Variants in FBXO34 observed in about 807,000 individuals in gnomAD.
FBXO34 encodes the protein F-box only protein 34.
FBXO34 carries 12 observed loss-of-function variants against 24.5 expected under a neutral mutation model. The ratio of observed to expected loss-of-function variants is 0.49; its 90% CI spans 0.31 to 0.79. The LOEUF (loss-of-function observed/expected upper bound fraction) is 0.79, where lower values mean the gene tolerates loss of function less well. FBXO34 is among the 30% of genes least tolerant of loss of function. The pLI, the probability that FBXO34 is intolerant of heterozygous loss-of-function variation, is 0.04. For missense variants in FBXO34, 823 were observed against 857.7 expected (o/e 0.96, Z 0.51); for synonymous variants, 320 against 311.9 (o/e 1.03, Z -0.27).
In FBXO34 at chr14:55,322,354, A is replaced by C. The variant is rs182113370; in HGVS notation, c.-10-28027A>C. 2.6e-4 allele frequency among the ~76,000 whole-genome samples: 40 copies of C among 152,180 alleles called. 1 individual carries two copies. The highest frequency in any genetic ancestry group is 8.3e-4 in the South Asian group (4 of 4,822). On this transcript the variant is annotated intron_variant, in intron 1 of 1. Transcript: ENST00000313833. ...TACAAACAAGCAACAACAACAACAA[A>C]AAAAGACATCTTTCTGTGTATTTGC...
the FBXO34 span, chr14:55,436,491 G>C: frequency 2.3e-6 from 3 of 1,302,166 alleles, no homozygotes; most frequent in African/African-American, 4.4e-5. Flanking sequence ...CCTGAAATTA[G>C]TTGTCATCGC....
downstream of FBXO34, chr14:55,366,759 T>C (rs1884688128): frequency 6.5e-6 from 1 of 152,798 alleles, no homozygotes; most frequent in South Asian, 2.1e-4. Flanking sequence ...ATGGAAAACA[T>C]GACCAAGTTC....
the FBXO34 span, among the ~76,000 whole-genome samples, chr14:55,421,601 T>A: frequency 6.6e-6 from 1 of 152,046 alleles, no homozygotes; most frequent in Non-Finnish European, 1.5e-5. Flanking sequence ...GTAGCTGGGG[T>A]CACAGGTGCC....
the FBXO34 span, chr14:55,378,123 C>A: frequency 6.6e-7 from 1 of 1,518,522 alleles, no homozygotes; most frequent in Non-Finnish European, 9.1e-7. Context: ...TGAGGAAATT[C>A]TATGTTAAAA....
intron 1 of FBXO34, among the ~76,000 whole-genome samples, chr14:55,292,840 A>G (rs954070410): frequency 6.6e-6 from 1 of 152,148 alleles, no homozygotes; most frequent in Admixed American, 6.6e-5. Context: ...AGGGAGGGGT[A>G]GATGTTAGTA....
chr14:55,441,298 C>A, the FBXO34 span, among the ~76,000 whole-genome samples: 117 of 152,272 alleles, frequency 7.7e-4, no homozygotes, highest in Non-Finnish European at 1.0e-3. Flanking sequence ...CGGGTGCCAC[C>A]ACGCCTGGCT....
At chr14:55,272,852 G>T (rs1881203285) in intron 1 of FBXO34, among the ~76,000 whole-genome samples, 1 of 152,074 alleles carries the variant, frequency 6.6e-6, no homozygotes, top group South Asian at 2.1e-4. Flanking sequence ...CGCTTGTCTG[G>T]ATAGGTAACT....
chr14:55,439,524 T>A, the FBXO34 span, among the ~76,000 whole-genome samples: 1 of 147,050 alleles, frequency 6.8e-6, no homozygotes, highest in Non-Finnish European at 1.5e-5. Flanking sequence ...GAGTGGTGGC[T>A]CACGCCTGAA....
chr14:55,401,401 TTTG>T, the FBXO34 span, among the ~76,000 whole-genome samples: 12 of 152,164 alleles, frequency 7.9e-5, no homozygotes, highest in Non-Finnish European at 1.5e-4. Context: ...CATACATCTT[TTTG>T]TTGTTGTTGT....
At chr14:55,381,859 A>T in the FBXO34 span, 54 of 929,206 alleles carry the variant, frequency 5.8e-5, 1 homozygote, top group Non-Finnish European at 8.3e-5. Context: ...TGAATGTACT[A>T]AATGCCCCTG....
At chr14:55,440,262 C>T in the FBXO34 span, 5 of 1,128,218 alleles carry the variant, frequency 4.4e-6, no homozygotes, top group Non-Finnish European at 6.4e-6. Flanking sequence ...TTCTAACCTT[C>T]AACTTAATGA....
chr14:55,437,121 G>C, the FBXO34 span: 1 of 990,102 alleles, frequency 1.0e-6, no homozygotes, highest in Admixed American at 2.0e-5. Flanking sequence ...TGTATTCAGT[G>C]TAAGAGGCAG....
At chr14:55,371,929 G>A (rs970687205), downstream of FBXO34, among the ~76,000 whole-genome samples, 9 of 152,176 alleles carry the variant, frequency 5.9e-5, no homozygotes, top group Non-Finnish European at 8.8e-5. Context: ...ACTGCCCCTT[G>A]AATTTCTCTG....
At chr14:55,332,775 TCAG>T (rs1214746160) in intron 1 of FBXO34, among the ~76,000 whole-genome samples, 1 of 152,208 alleles carries the variant, frequency 6.6e-6, no homozygotes, top group Non-Finnish European at 1.5e-5. Flanking sequence ...ACGGTGATCT[TCAG>T]CAAGTTTCAC....
At chr14:55,359,280 C>G (rs571055678) in intron 3 of FBXO34, among the ~76,000 whole-genome samples, 1 of 152,160 alleles carries the variant, frequency 6.6e-6, no homozygotes, top group East Asian at 1.9e-4. Flanking sequence ...AGAAGGAAAC[C>G]TATTTCCTAA....
At chr14:55,335,692 C>T (rs1883751889) in intron 1 of FBXO34, among the ~76,000 whole-genome samples, 1 of 152,082 alleles carries the variant, frequency 6.6e-6, no homozygotes, top group Non-Finnish European at 1.5e-5. Context: ...GATGAACTGC[C>T]ATTTGTATAA....
chr14:55,412,670 G>C, the FBXO34 span, among the ~76,000 whole-genome samples: 103 of 152,308 alleles, frequency 6.8e-4, 1 homozygote, highest in East Asian at 0.019. Context: ...AGATTAAATA[G>C]ACCAGTGATT....
At chr14:55,429,766 C>CAAAAAAAAAAAAAA in the FBXO34 span, among the ~76,000 whole-genome samples, 3 of 52,388 alleles carry the variant, frequency 5.7e-5, no homozygotes, top group Non-Finnish European at 9.7e-5. Flanking sequence ...AACTCCGTCT[C>CAAAAAAAAAAAAAA]AAAAAAAAAA....
the FBXO34 span, among the ~76,000 whole-genome samples, chr14:55,401,631 T>C: frequency 8.4e-3 from 1,276 of 152,328 alleles, 23 homozygotes; most frequent in African/African-American, 0.03. Flanking sequence ...AATTCTTCCA[T>C]ACTTTTATGA....
Sources: gnomAD v4.1 joint callset for allele counts (sites outside exome capture counted in the v4.1 genomes callset) on GRCh38, gnomAD v4.1.1 for gene constraint, MANE v1.5 for transcripts, NCBI Gene and HGNC (gene_info 2026-07-23, HGNC 2026-07-21) for gene names.